CDH12: variants seen among roughly 807,000 people sequenced by gnomAD.
CDH12 encodes the protein cadherin-12.
Under a neutral mutation model 74.1 loss-of-function variants are expected in CDH12, and 41 were observed. The observed-to-expected ratio is 0.55, with a 90% CI of 0.43 to 0.72. CDH12 has a LOEUF of 0.72. Among genes scored for constraint, CDH12 ranks in the 30% least tolerant of loss-of-function variants. The probability of loss-of-function intolerance (pLI) is 0.00; values close to 1 mark genes in which losing one functional copy is unlikely to be tolerated. For missense variants in CDH12, 945 were observed against 977.2 expected, an observed-to-expected ratio of 0.97 and a Z score of 0.44; for synonymous variants, 399 against 355.0, an observed-to-expected ratio of 1.12 and a Z score of -1.39.
intron 4 of CDH12, among the ~76,000 whole-genome samples, chr5:22,107,567 T>C (rs1373773863): frequency 6.6e-6 from 1 of 151,238 alleles, no homozygotes; most frequent in African/African-American, 2.4e-5. Flanking sequence ...ATCTTCTATG[T>C]CAAAAGTCTC....
intron 6 of CDH12, among the ~76,000 whole-genome samples, chr5:21,949,303 A>G (rs902925114): frequency 4.0e-5 from 6 of 151,862 alleles, no homozygotes; most frequent in African/African-American, 1.5e-4. Flanking sequence ...ACAAAAAATT[A>G]GCCAGGCCTG....
At chr5:22,125,770 C>T (rs1745819834) in intron 4 of CDH12, among the ~76,000 whole-genome samples, 1 of 152,188 alleles carries the variant, frequency 6.6e-6, no homozygotes, top group Non-Finnish European at 1.5e-5. Flanking sequence ...TCTCCACCCT[C>T]AGTTTAAGAA....
chr5:22,389,884 G>A (rs1457366135), intron 3 of CDH12, among the ~76,000 whole-genome samples: 2 of 151,906 alleles, frequency 1.3e-5, no homozygotes, highest in Non-Finnish European at 2.9e-5. Flanking sequence ...TCCTGACCTC[G>A]TGATCTGCCC....
At chr5:21,753,009 T>C (rs766758605) in intron 14 of CDH12, among the ~76,000 whole-genome samples, 1 of 152,224 alleles carries the variant, frequency 6.6e-6, no homozygotes, top group Non-Finnish European at 1.5e-5. Flanking sequence ...AAAATCTCTC[T>C]TTATTCCCAG....
chr5:22,278,736 T>A (rs1404197469), intron 3 of CDH12, among the ~76,000 whole-genome samples: 1 of 152,206 alleles, frequency 6.6e-6, no homozygotes, highest in Non-Finnish European at 1.5e-5. Context: ...TCACATTTAG[T>A]CTACCCTCTA....
intron 1 of CDH12, among the ~76,000 whole-genome samples, chr5:22,688,816 A>T (rs571651779): frequency 2.3e-4 from 35 of 152,314 alleles, no homozygotes; most frequent in Admixed American, 5.2e-4. Context: ...GATATCTCAT[A>T]TATTTGAGGC....
Position 21,979,756 on chromosome 5 carries a change from G to A in CDH12, c.232-4371C>T, listed in dbSNP as rs544663227. The stretch of plus-strand genomic sequence containing the variant: ...GATTTGTGTGAAAACCAAAAGTTGC[G>A]TTCAACAAATACTACTACTAACCCA... On this transcript the variant is annotated intron_variant, in intron 5 of 14. Transcript: ENST00000382254. Among the ~76,000 whole-genome samples the A allele has an allele frequency of 1.2e-3, 186 of 151,486 alleles. 1 individual carries two copies. The highest frequency in any genetic ancestry group is 4.0e-3 in the African/African-American group (164 of 41,220).
At chr5:22,080,887 C>T (rs966039236) in intron 4 of CDH12, among the ~76,000 whole-genome samples, 1 of 151,972 alleles carries the variant, frequency 6.6e-6, no homozygotes, top group Non-Finnish European at 1.5e-5. Flanking sequence ...TCAACTGATT[C>T]TTCTGACTCA....
At chr5:22,369,681 T>C (rs1741188903) in intron 3 of CDH12, among the ~76,000 whole-genome samples, 1 of 152,204 alleles carries the variant, frequency 6.6e-6, no homozygotes, top group Non-Finnish European at 1.5e-5. Context: ...AGAGTGCTAA[T>C]GGTATCTTTT....
chr5:22,698,732 T>G (rs1226525090), intron 1 of CDH12, among the ~76,000 whole-genome samples: 5,447 of 14,982 alleles, frequency 0.36, 936 homozygotes, highest in Admixed American at 0.5. Context: ...TATATATATA[T>G]ATAGTGTGTG....
At chr5:21,859,356 C>T (rs1485102987) in intron 6 of CDH12, among the ~76,000 whole-genome samples, 1 of 151,814 alleles carries the variant, frequency 6.6e-6, no homozygotes, top group Non-Finnish European at 1.5e-5. Flanking sequence ...GAAAAAGCCC[C>T]TTATAAGAAC....
intron 8 of CDH12, among the ~76,000 whole-genome samples, chr5:21,828,906 GTCTTTTTT>G (rs1345834003): frequency 8.9e-5 from 5 of 56,084 alleles, no homozygotes; most frequent in Admixed American, 3.1e-4. Flanking sequence ...TAAATCCTAT[GTCTTTTTT>G]TTTTTTTTTT....
At chr5:22,574,484 T>C (rs1211317996) in intron 1 of CDH12, among the ~76,000 whole-genome samples, 1 of 152,162 alleles carries the variant, frequency 6.6e-6, no homozygotes, top group Non-Finnish European at 1.5e-5. Flanking sequence ...TTTATAAAGG[T>C]AGATTTTATG....
chr5:22,039,823 A>G (rs1739443775), intron 5 of CDH12, among the ~76,000 whole-genome samples: 1 of 152,112 alleles, frequency 6.6e-6, no homozygotes, highest in East Asian at 1.9e-4. Flanking sequence ...TCTAAAAGTG[A>G]AAGTCTTTAT....
rs186010753 is a variant in CDH12 at position 22,211,748 on chromosome 5, T to C, written c.-187+750A>G. On this transcript the variant is annotated intron_variant, in intron 4 of 14. Coordinates refer to ENST00000382254, the MANE Select transcript of CDH12 (RefSeq NM_004061.5). The stretch of plus-strand genomic sequence containing the variant: ...ACTTCAATTCATTATATCTTAATAA[T>C]AAAAATGAAATAAAACATAAAAAAG... Among the ~76,000 whole-genome samples the C allele has an allele frequency of 6.7e-3, 1,008 of 151,572 alleles. 15 individuals are homozygous for C. The highest frequency in any genetic ancestry group is 0.023 in the African/African-American group (948 of 41,448).
At chr5:22,099,382 A>C (rs1392392661) in intron 4 of CDH12, among the ~76,000 whole-genome samples, 1 of 152,026 alleles carries the variant, frequency 6.6e-6, no homozygotes, top group Non-Finnish European at 1.5e-5. Context: ...AACACATCTC[A>C]CCAAGCTCAG....
chr5:21,861,157 T>C (rs1324642870), intron 6 of CDH12, among the ~76,000 whole-genome samples: 3 of 151,956 alleles, frequency 2.0e-5, no homozygotes, highest in Non-Finnish European at 4.4e-5. Flanking sequence ...GTATGACTTT[T>C]TAAGCCACTG....
chr5:22,632,516 G>T (rs927270457), intron 1 of CDH12, among the ~76,000 whole-genome samples: 1 of 151,932 alleles, frequency 6.6e-6, no homozygotes, highest in Non-Finnish European at 1.5e-5. Context: ...GAATTAAGAA[G>T]AATAATAATT....
chr5:22,847,415 G>C (rs190730106), intron 1 of CDH12, among the ~76,000 whole-genome samples: 1 of 151,926 alleles, frequency 6.6e-6, no homozygotes, highest in African/African-American at 2.4e-5. Flanking sequence ...ACTTCATTTG[G>C]GTATATTGTT....
Sources: allele counts gnomAD v4.1 joint callset (sites outside exome capture counted in the v4.1 genomes callset), GRCh38; gene constraint gnomAD v4.1.1; transcripts MANE v1.5; gene names NCBI Gene and HGNC (gene_info 2026-07-23, HGNC 2026-07-21).